The following LTBP2 variants were observed in gnomAD, a reference collection of about 807,000 sequenced individuals.
The protein encoded by LTBP2 is latent-transforming growth factor beta-binding protein 2.
Under a neutral mutation model 210.6 loss-of-function variants are expected in LTBP2, and 103 were observed. The ratio of observed to expected loss-of-function variants is 0.49; its 90% confidence interval spans 0.42 to 0.58. LTBP2 has a LOEUF of 0.58. LTBP2 is among the 20% of genes least tolerant of loss of function. The pLI is 0.00. For synonymous variants in LTBP2, 1,007 were observed against 1,015.0 expected, an observed-to-expected ratio of 0.99 and a Z score of 0.15; for missense variants, 2,313 against 2,494.5, an observed-to-expected ratio of 0.93 and a Z score of 1.55.
chr14:74,545,517 A>G (rs1399949723), intron 8 of LTBP2, among the ~76,000 whole-genome samples: 1 of 152,242 alleles, frequency 6.6e-6, no homozygotes, highest in Non-Finnish European at 1.5e-5. Flanking sequence ...GCAAATGGCA[A>G]GACGATCTCA....
At chr14:74,542,477 G>A (rs2087520821) in intron 8 of LTBP2, among the ~76,000 whole-genome samples, 1 of 152,238 alleles carries the variant, frequency 6.6e-6, no homozygotes, top group Non-Finnish European at 1.5e-5. Flanking sequence ...CTCAGCCTGT[G>A]ATGACAGGTG....
chr14:74,582,391 CAT>C lies in LTBP2; in HGVS notation c.830+3461_830+3462del, dbSNP rs754709594. Among the ~76,000 whole-genome samples, 445 of 99,436 alleles carry C rather than the reference CAT, an allele frequency of 4.5e-3. 1 individual carries two copies. The highest frequency in any genetic ancestry group is 0.021 in the Middle Eastern group (4 of 194). 65.2% of individuals were successfully genotyped at this position (99,436 alleles called of 152,430 possible). Reference sequence around the variant, plus strand: ...TGTTCTGTGTACATGCACACACACACATACATACACACACACACACACACACA... The same window carrying C: ...TGTTCTGTGTACATGCACACACACACACATACACACACACACACACACACA... On this transcript the variant is annotated intron_variant, in intron 3 of 35. Coordinates refer to ENST00000261978, the MANE Select transcript of LTBP2 (RefSeq NM_000428.3).
At chr14:74,543,377 C>CAAAAA (rs71119305) in intron 8 of LTBP2, among the ~76,000 whole-genome samples, 2 of 96,606 alleles carry the variant, frequency 2.1e-5, no homozygotes, top group Non-Finnish European at 3.7e-5. Context: ...GACTCCGTCT[C>CAAAAA]AAAAAAAAAA....
chr14:74,601,480 G>A (rs761234306), intron 2 of LTBP2, among the ~76,000 whole-genome samples: 5 of 152,206 alleles, frequency 3.3e-5, no homozygotes, highest in South Asian at 2.1e-4. Context: ...CCTCTGAGCC[G>A]CCCCCAGGCA....
chr14:74,552,123 G>T, intron 6 of LTBP2, 64 bp downstream of exon 6: 1 of 1,476,892 alleles, frequency 6.8e-7, no homozygotes, highest in Non-Finnish European at 9.2e-7. Context: ...CAGCCATGGT[G>T]ACAGCCTCCA....
intron 3 of LTBP2, among the ~76,000 whole-genome samples, chr14:74,572,419 A>G (rs1028931434): frequency 4.4e-4 from 66 of 149,638 alleles, no homozygotes; most frequent in Non-Finnish European, 7.5e-4. Flanking sequence ...TCACAAGTGG[A>G]AACAAGTGTA....
chr14:74,527,670 C>A (rs1013879279), intron 12 of LTBP2, among the ~76,000 whole-genome samples: 4 of 152,322 alleles, frequency 2.6e-5, no homozygotes, highest in African/African-American at 7.2e-5. Flanking sequence ...CCCACCTGCT[C>A]CCGGACCTGT....
In LTBP2 at chr14:74,511,313, T is replaced by A; in HGVS notation, c.2960A>T (p.Asn987Ile). The A allele has an allele frequency of 6.2e-7, 1 of 1,614,060 alleles. No individual in the cohort carries two copies. Among genetic ancestry groups the A allele is most frequent in the Non-Finnish European group, 8.5e-7 (1 of 1,180,000 alleles). The change falls in exon 19 of 36, where the codon AAT becomes ATT. Residue 987 changes from asparagine (N) to isoleucine (I), a missense_variant. This residue lies in a region of LTBP2 where 1,867 missense variants were observed against 1,976.9 expected (regional missense o/e 0.94). Coordinates refer to ENST00000261978, the MANE Select transcript of LTBP2 (RefSeq NM_000428.3). ...CAGACAAGTGTAGGAGCCAGGGGAA[T>A]TGACGCATCTCCCATCAGGGCAGGT... ...PGTCPDGRCV[N>I]SPGSYTCLAC... is the part of the protein sequence containing the mutation.
intron 22 of LTBP2, 27 bp from the exon 23 acceptor site, chr14:74,508,979 C>G (rs773346265): frequency 1.2e-6 from 2 of 1,611,554 alleles, no homozygotes; most frequent in East Asian, 2.2e-5. Flanking sequence ...GGGAGGAAGA[C>G]AGCCGATGGC....
rs1349653087 is a variant in LTBP2 at position 74,500,726 on chromosome 14, C to T, written c.*158G>A. 8 of 983,210 alleles carry T rather than the reference C, an allele frequency of 8.1e-6. No individual in the cohort carries two copies. The highest frequency in any genetic ancestry group is 6.4e-5 in the African/African-American group (4 of 62,774). The allele number at this position is 983,210 out of a possible 1,614,324, so 60.9% of individuals were successfully genotyped here. A position where few individuals can be genotyped will look rare whatever the true frequency, so the allele number is the denominator to read the frequency against. On this transcript the variant is annotated 3_prime_UTR_variant, in exon 36 of 36. Transcript: ENST00000261978. ...GCATGGAGGCAATGACCGAAGCTTACAGCCAGAGGCTAAGCTGGGAGAGAT... is the reference window on the plus strand; with the variant it reads ...GCATGGAGGCAATGACCGAAGCTTATAGCCAGAGGCTAAGCTGGGAGAGAT...
chr14:74,529,913 AG>A (rs1595256370), intron 10 of LTBP2, among the ~76,000 whole-genome samples: 1 of 152,228 alleles, frequency 6.6e-6, no homozygotes, highest in Non-Finnish European at 1.5e-5. Context: ...TGGGCTGAAG[AG>A]GACATCAATC....
intron 24 of LTBP2, 95 bp downstream of exon 24, chr14:74,508,509 C>T (rs1595241870): frequency 6.5e-7 from 1 of 1,538,070 alleles, no homozygotes; most frequent in Non-Finnish European, 8.7e-7. Context: ...CCACTCTAGT[C>T]TTAGCCTGTA....
chr14:74,609,948 C>T (rs1320112073), intron 1 of LTBP2, among the ~76,000 whole-genome samples: 1 of 152,258 alleles, frequency 6.6e-6, no homozygotes, highest in Non-Finnish European at 1.5e-5. Flanking sequence ...ACAGCAGGTG[C>T]TTTCCACTAA....
chr14:74,516,783 G>A, intron 18 of LTBP2, 39 bp downstream of exon 18: 1 of 1,530,778 alleles, frequency 6.5e-7, no homozygotes, highest in Non-Finnish European at 8.8e-7. Context: ...CAGGTGGGTG[G>A]TGGGGTGGCA....
At chr14:74,576,634 T>C (rs1044062836) in intron 3 of LTBP2, among the ~76,000 whole-genome samples, 20 of 151,652 alleles carry the variant, frequency 1.3e-4, no homozygotes, top group African/African-American at 4.8e-4. Context: ...CTGTACACTG[T>C]ACAACTCTTG....
Position 74,522,820 on chromosome 14 carries a change from G to A in LTBP2, c.2629C>T (p.Gln877Ter). ...GYRCVCSPGY[Q>*]LHPSQAYCTD... Reference sequence around the variant, plus strand: ...CAGTAGGCCTGGCTGGGGTGCAGCTGGTAGCCAGGGCTGCAGACACATCTG... The same window carrying A: ...CAGTAGGCCTGGCTGGGGTGCAGCTAGTAGCCAGGGCTGCAGACACATCTG... The change falls in exon 16 of 36, where the codon CAG becomes TAG. Residue 877 changes from glutamine to a stop codon, truncating the protein, a stop_gained. Transcript: ENST00000261978. LOFTEE classifies it high-confidence loss of function. The A allele has an allele frequency of 6.2e-7, 1 of 1,611,792 alleles. No individual in the cohort carries two copies. The highest frequency in any genetic ancestry group is 1.3e-5 in the African/African-American group (1 of 75,034).
In LTBP2 at chr14:74,498,431, G is replaced by A. The variant is rs79540518; in HGVS notation, c.*2453C>T. ...GCAAAAGACAGGAAACAATGGAAAC[G>A]TCTGTCAGTGAGGGACTGATTAAAT... is the stretch of plus-strand genomic sequence containing the variant. On this transcript the variant is annotated 3_prime_UTR_variant, in exon 36 of 36. Transcript: ENST00000261978. 333 of 205,474 alleles carry A rather than the reference G, an allele frequency of 1.6e-3. No homozygotes were observed. The highest frequency in any genetic ancestry group is 7.2e-3 in the African/African-American group (314 of 43,904). 12.7% of individuals were successfully genotyped at this position (205,474 alleles called of 1,614,324 possible).
intron 4 of LTBP2, 66 bp from the exon 5 acceptor site, chr14:74,553,128 G>C: frequency 6.6e-7 from 1 of 1,514,436 alleles, no homozygotes; most frequent in East Asian, 2.3e-5. Flanking sequence ...TCCAGAGTCT[G>C]GTTAGAAAGC....
rs1595250811 is a variant in LTBP2 at position 74,521,958 on chromosome 14, T to G, written c.2741A>C (p.Tyr914Ser). ...NRVGSYSCFC[Y>S]PGYTLATSGA... ...TGAGGTGGCCAGAGTGTAGCCAGGG[T>G]AGCAGAAGCAGGAGTAGGACCCCAC... The change falls in exon 17 of 36, where the codon TAC becomes TCC. Residue 914 changes from tyrosine (Y) to serine (S), a missense_variant. Coordinates refer to ENST00000261978, the MANE Select transcript of LTBP2 (RefSeq NM_000428.3). The G allele has an allele frequency of 6.2e-7, 1 of 1,614,128 alleles. No homozygotes were observed. Among genetic ancestry groups the G allele is most frequent in the Non-Finnish European group, 8.5e-7 (1 of 1,180,012 alleles).
Sources: allele counts gnomAD v4.1 joint callset (sites outside exome capture counted in the v4.1 genomes callset), GRCh38; gene constraint gnomAD v4.1.1; regional missense constraint gnomAD v4.1.1; transcripts MANE v1.5; gene names NCBI Gene and HGNC (gene_info 2026-07-23, HGNC 2026-07-21).